The following SIDT1 variants were observed in gnomAD, a reference collection of about 807,000 sequenced individuals.
SIDT1 encodes SID1 transmembrane family, member 1.
In SIDT1, 101 loss-of-function variants were observed where a neutral mutation model predicts 107.5. That is an observed-to-expected ratio of 0.94 (90% confidence interval 0.80 to 1.11). The LOEUF is 1.11. Among genes scored for constraint, SIDT1 ranks in the 50% least tolerant of loss-of-function variants. SIDT1 has a pLI of 0.00. For synonymous variants in SIDT1, 395 were observed against 398.2 expected, an observed-to-expected ratio of 0.99 and a Z score of 0.10; for missense variants, 1,076 against 1,058.2, an observed-to-expected ratio of 1.02 and a Z score of -0.23.
At chr3:113,599,383 G>C (rs1944797402) in intron 10 of SIDT1, among the ~76,000 whole-genome samples, 1 of 152,236 alleles carries the variant, frequency 6.6e-6, no homozygotes, top group Non-Finnish European at 1.5e-5. Context: ...TATTACAGTG[G>C]AGATGCAAAT....
chr3:113,563,381 G>T (rs993566048), intron 1 of SIDT1, among the ~76,000 whole-genome samples: 3 of 152,144 alleles, frequency 2.0e-5, no homozygotes, highest in Admixed American at 2.0e-4. Context: ...AATACTAAAA[G>T]AAAATAGGAG....
At chr3:113,623,266 T>A (rs1576993132) in intron 21 of SIDT1, among the ~76,000 whole-genome samples, 161 bp from the exon 22 acceptor site, 1 of 127,684 alleles carries the variant, frequency 7.8e-6, no homozygotes, top group African/African-American at 3.0e-5. Flanking sequence ...TACTGTTCCA[T>A]CAGAGGTAAG....
intron 3 of SIDT1, 109 bp downstream of exon 3, chr3:113,567,819 G>A (rs1942061483): frequency 8.5e-7 from 1 of 1,177,252 alleles, no homozygotes; most frequent in Non-Finnish European, 1.2e-6. Flanking sequence ...TATCCACTTA[G>A]CATATGATTT....
At chr3:113,603,842 C>T (rs961009484) in intron 12 of SIDT1, 118 bp from the exon 13 acceptor site, 6 of 666,370 alleles carry the variant, frequency 9.0e-6, no homozygotes, top group African/African-American at 3.8e-5. Context: ...ATAATTGTAT[C>T]GCTTGAATAA....
chr3:113,614,940 A>C, intron 19 of SIDT1: 1 of 997,090 alleles, frequency 1.0e-6, no homozygotes, highest in Non-Finnish European at 1.5e-6. Context: ...TTATAATCAG[A>C]AAGCAAAATT....
intron 9 of SIDT1, among the ~76,000 whole-genome samples, chr3:113,587,648 A>G (rs187535017): frequency 7.2e-5 from 11 of 152,364 alleles, no homozygotes; most frequent in Non-Finnish European, 1.5e-4. Context: ...CGCTCTAAGT[A>G]GATTATCTCA....
chr3:113,615,370 A>G (rs1946029698), intron 19 of SIDT1, among the ~76,000 whole-genome samples: 1 of 152,138 alleles, frequency 6.6e-6, no homozygotes, highest in Admixed American at 6.5e-5. Context: ...CATTCTGGAA[A>G]ATGTTTGCTT....
chr3:113,619,586 A>T, intron 20 of SIDT1, 94 bp from the exon 21 acceptor site: 1 of 1,074,460 alleles, frequency 9.3e-7, no homozygotes, highest in Non-Finnish European at 1.4e-6. Context: ...CACCAATGCA[A>T]TTGTTTTCCC....
rs115840647 is a variant in SIDT1 at position 113,563,174 on chromosome 3, G to T, written c.223-3246G>T. On this transcript the variant is annotated intron_variant, in intron 1 of 24. Transcript: ENST00000264852. ...GGTAGGCAAAGAAACTAGAGACGAA[G>T]GCACAGAAGACATCAAGAAGAGGCT... Among the ~76,000 whole-genome samples, 207 of 152,284 alleles carry T rather than the reference G, an allele frequency of 1.4e-3. 2 individuals are homozygous for T. The highest frequency in any genetic ancestry group is 4.8e-3 in the African/African-American group (201 of 41,544).
In SIDT1 at chr3:113,607,092, GC is replaced by G; in HGVS notation, c.1457del (p.Ala486ValfsTer7). The G allele has an allele frequency of 6.2e-7, 1 of 1,612,834 alleles. No homozygotes were observed. The highest frequency in any genetic ancestry group is 1.1e-5 in the South Asian group (1 of 90,972). ...CATCTGTTACTACAACTTCCTCTGT[GC>G]TCACCCCTTGGGCGTCCTGAGGTAA... ...QDICYYNFLCAHPLGVLSAFN... is the reference protein window; with the variant it reads ...QDICYYNFLCXHPLGVLSAFN... On this transcript the variant is annotated frameshift_variant, in exon 15 of 25. Coordinates refer to ENST00000264852, the MANE Select transcript of SIDT1 (RefSeq NM_017699.3). LOFTEE classifies it high-confidence loss of function.
intron 14 of SIDT1, among the ~76,000 whole-genome samples, chr3:113,605,408 G>A (rs891797080): frequency 6.6e-6 from 1 of 152,124 alleles, no homozygotes; most frequent in Non-Finnish European, 1.5e-5. Flanking sequence ...TTACAGGCAT[G>A]AGCCACCACA....
intron 21 of SIDT1, among the ~76,000 whole-genome samples, chr3:113,620,501 T>A (rs1946396638): frequency 6.8e-6 from 1 of 147,430 alleles, no homozygotes. Flanking sequence ...GGCCTGTGAT[T>A]AAAAAAAAAA....
intron 1 of SIDT1, among the ~76,000 whole-genome samples, chr3:113,544,832 G>C (rs1258775071): frequency 1.3e-5 from 2 of 151,894 alleles, no homozygotes; most frequent in Non-Finnish European, 2.9e-5. Flanking sequence ...GTCATTTGTG[G>C]GCCAGGTGCG....
At chr3:113,578,052 C>G (rs1943040919) in intron 4 of SIDT1, among the ~76,000 whole-genome samples, 1 of 152,216 alleles carries the variant, frequency 6.6e-6, no homozygotes, top group South Asian at 2.1e-4. Context: ...ATACTGCCAC[C>G]CAGTGGCAGG....
rs1227614458 is a variant in SIDT1 at position 113,532,914 on chromosome 3, G to C, written c.-108G>C. 1 of 735,392 alleles carries C rather than the reference G, an allele frequency of 1.4e-6. No homozygotes were observed. The highest frequency in any genetic ancestry group is 1.9e-6 in the Non-Finnish European group (1 of 521,016). The allele number at this position is 735,392 out of a possible 1,614,324, so 45.6% of individuals were successfully genotyped here. On this transcript the variant is annotated 5_prime_UTR_variant, in exon 1 of 25. Transcript: ENST00000264852. ...TGGGTTCGCCAGGCATCACCCGCTC[G>C]GCTCTGAAGCGGACGCCTGGCCCTG...
intron 1 of SIDT1, among the ~76,000 whole-genome samples, chr3:113,559,031 C>A (rs1385895360): frequency 6.6e-6 from 1 of 152,142 alleles, no homozygotes; most frequent in African/African-American, 2.4e-5. Flanking sequence ...TACTTTTAAC[C>A]ACTGTGTAGC....
chr3:113,566,057 T>C (rs1941874050), intron 1 of SIDT1, among the ~76,000 whole-genome samples: 2 of 152,228 alleles, frequency 1.3e-5, no homozygotes, highest in South Asian at 2.1e-4. Context: ...TGTTGCCTGC[T>C]CCGTTCAAAC....
At chr3:113,581,067 G>A (rs1046145163) in intron 5 of SIDT1, among the ~76,000 whole-genome samples, 14 of 151,958 alleles carry the variant, frequency 9.2e-5, no homozygotes, top group African/African-American at 1.7e-4. Flanking sequence ...TGTAACATTC[G>A]GTTCTTTCTG....
chr3:113,624,498 A>C (rs1946705167), intron 23 of SIDT1, among the ~76,000 whole-genome samples: 2 of 152,236 alleles, frequency 1.3e-5, no homozygotes. Context: ...CTACCTGCTC[A>C]TCAGTTGATG....
Sources: gnomAD v4.1 joint callset for allele counts (sites outside exome capture counted in the v4.1 genomes callset) on GRCh38, gnomAD v4.1.1 for gene constraint, MANE v1.5 for transcripts, NCBI Gene and HGNC (gene_info 2026-07-23, HGNC 2026-07-21) for gene names.